DLC1: variants seen among roughly 807,000 people sequenced by gnomAD.
The protein encoded by DLC1 is rho GTPase-activating protein 7.
DLC1 carries 54 observed loss-of-function variants against 140.3 expected under a neutral mutation model. The ratio of observed to expected loss-of-function variants is 0.38; its 90% CI spans 0.31 to 0.48. The LOEUF (loss-of-function observed/expected upper bound fraction) is 0.48. Ranked by LOEUF, DLC1 falls within the 20% of genes least tolerant of loss-of-function variation. The pLI, the probability that DLC1 is intolerant of heterozygous loss-of-function variation, is 0.96. For missense variants in DLC1, 2,536 were observed against 1,907.0 expected (o/e 1.33, Z -6.14); for synonymous variants, 986 against 728.1 (o/e 1.35, Z -5.70).
intron 5 of DLC1, among the ~76,000 whole-genome samples, chr8:13,262,365 A>G (rs1338836275): frequency 6.6e-6 from 1 of 152,156 alleles, no homozygotes; most frequent in Non-Finnish European, 1.5e-5. Context: ...ATTGATAATC[A>G]CGTGATCCTA....
chr8:13,386,014 T>C (rs1198595337), intron 4 of DLC1, among the ~76,000 whole-genome samples: 4 of 152,226 alleles, frequency 2.6e-5, no homozygotes, highest in Non-Finnish European at 4.4e-5. Flanking sequence ...TTGGTTGCTA[T>C]GATGTGGCAT....
intron 1 of DLC1, among the ~76,000 whole-genome samples, chr8:13,532,719 T>C (rs1398843460): frequency 3.9e-5 from 6 of 152,178 alleles, no homozygotes; most frequent in Admixed American, 3.9e-4. Context: ...CCTCCCATAG[T>C]GCTGGGACTA....
intron 5 of DLC1, among the ~76,000 whole-genome samples, chr8:13,218,002 C>G (rs73560303): frequency 0.034 from 5,121 of 152,164 alleles, 295 homozygotes; most frequent in African/African-American, 0.12. Flanking sequence ...ATGACAGAAG[C>G]CAGTCCCCTC....
rs1818867232 is a variant in DLC1 at position 13,099,828 on chromosome 8, T to A, written c.2509A>T (p.Asn837Tyr). The change falls in exon 9 of 18, where the codon AAC becomes TAC. Residue 837 changes from asparagine to tyrosine, a missense_variant. Transcript: ENST00000276297. ...FSPSGNNGSV[N>Y]WRTGSFHGPG... is the part of the protein sequence containing the mutation. ...CCGTGGAAGCTTCCCGTCCTCCAGT[T>A]CACAGAGCCGTTATTCCCCGAGGGG... 1.2e-6 allele frequency: 2 copies of A among 1,614,040 alleles called. No individual in the cohort carries two copies. The highest frequency in any genetic ancestry group is 2.7e-5 in the African/African-American group (2 of 74,916).
chr8:13,518,789 C>A (rs1019673186), upstream of DLC1, among the ~76,000 whole-genome samples: 25 of 152,136 alleles, frequency 1.6e-4, no homozygotes, highest in African/African-American at 5.8e-4. Context: ...TACATGCATA[C>A]AGTTAGTGTA....
intron 1 of DLC1, among the ~76,000 whole-genome samples, chr8:13,500,654 T>C (rs1274049441): frequency 6.6e-6 from 1 of 152,196 alleles, no homozygotes. Context: ...CATGCAAAAC[T>C]TGAGCTATAG....
Position 13,092,605 on chromosome 8 carries a change from C to A in DLC1, c.3740+7G>T, listed in dbSNP as rs991124482. On this transcript the variant is annotated splice_region_variant and intron_variant, in intron 13 of 17. Coordinates refer to ENST00000276297, the MANE Select transcript of DLC1 (RefSeq NM_182643.3). Reference sequence around the variant, plus strand: ...CTGTGTGCATGCACCTCCCATGCAGCCCGTACCTGGGAGAGGAATTCTCTC... The same window carrying A: ...CTGTGTGCATGCACCTCCCATGCAGACCGTACCTGGGAGAGGAATTCTCTC... The A allele has an allele frequency of 3.1e-6, 5 of 1,613,548 alleles. No homozygotes were observed. The African/African-American group carries it at 6.7e-5, about 22-fold the overall frequency.
chr8:13,120,729 G>C (rs146094722), intron 5 of DLC1, among the ~76,000 whole-genome samples: 130 of 152,276 alleles, frequency 8.5e-4, no homozygotes, highest in African/African-American at 3.0e-3. Flanking sequence ...ATTGGAAACA[G>C]CTTTAGTCAA....
chr8:13,333,731 T>A (rs1246744840), intron 4 of DLC1, among the ~76,000 whole-genome samples: 1 of 152,220 alleles, frequency 6.6e-6, no homozygotes, highest in Non-Finnish European at 1.5e-5. Context: ...CTAAATGGGT[T>A]CCCTAAATGG....
chr8:13,196,048 C>T (rs145358604), intron 5 of DLC1, among the ~76,000 whole-genome samples: 11 of 150,508 alleles, frequency 7.3e-5, no homozygotes, highest in Non-Finnish European at 7.4e-5. Flanking sequence ...CAATATATAC[C>T]ATTTATATAA....
At chr8:13,451,037 CA>C (rs1169620786) in intron 2 of DLC1, among the ~76,000 whole-genome samples, 809 of 18,018 alleles carry the variant, frequency 0.045, no homozygotes, top group South Asian at 0.074. Context: ...GACTCCGTCT[CA>C]AAAAAAAAAA....
chr8:13,523,826 A>G (rs1003825125), intron 1 of DLC1, among the ~76,000 whole-genome samples: 47 of 152,226 alleles, frequency 3.1e-4, no homozygotes, highest in African/African-American at 1.1e-3. Context: ...ATGGAAGAAT[A>G]ACAGTATATT....
chr8:13,095,443 G>C, intron 10 of DLC1, 198 bp from the exon 11 acceptor site: 2 of 633,622 alleles, frequency 3.2e-6, no homozygotes, highest in South Asian at 3.9e-5. Flanking sequence ...TTCATCTTTT[G>C]TGCTCAGTAC....
At chr8:13,194,294 T>C (rs78097891) in intron 5 of DLC1, among the ~76,000 whole-genome samples, 2,654 of 152,348 alleles carry the variant, frequency 0.017, 72 homozygotes, top group African/African-American at 0.061. Flanking sequence ...CCAATAGCTA[T>C]GTGGAACGAT....
chr8:13,534,822 T>G (rs530487906), intron 1 of DLC1, among the ~76,000 whole-genome samples: 1 of 152,336 alleles, frequency 6.6e-6, no homozygotes, highest in African/African-American at 2.4e-5. Flanking sequence ...TTAAAAGTTT[T>G]ACTCTTGCAC....
At chr8:13,246,412 G>T (rs1402318242) in intron 5 of DLC1, among the ~76,000 whole-genome samples, 4 of 152,184 alleles carry the variant, frequency 2.6e-5, no homozygotes, top group African/African-American at 9.6e-5. Flanking sequence ...TATTAGTGTA[G>T]TGTGAAGTTA....
At chr8:13,420,827 A>G (rs1033787264) in intron 2 of DLC1, among the ~76,000 whole-genome samples, 2 of 152,106 alleles carry the variant, frequency 1.3e-5, no homozygotes, top group African/African-American at 4.8e-5. Flanking sequence ...CCATATAATA[A>G]ATGGAGTGGC....
intron 1 of DLC1, among the ~76,000 whole-genome samples, chr8:13,534,451 G>T (rs1209578233): frequency 6.6e-6 from 1 of 152,156 alleles, no homozygotes; most frequent in Non-Finnish European, 1.5e-5. Context: ...TCAATTTGAG[G>T]GATAAAAACT....
At chr8:13,396,082 C>T (rs1230757450) in intron 3 of DLC1, among the ~76,000 whole-genome samples, 5 of 121,008 alleles carry the variant, frequency 4.1e-5, no homozygotes, top group African/African-American at 1.5e-4. Context: ...TTTTTTGAGA[C>T]GGAGTCTCAC....
Sources: allele counts gnomAD v4.1 joint callset (sites outside exome capture counted in the v4.1 genomes callset), GRCh38; gene constraint gnomAD v4.1.1; transcripts MANE v1.5; gene names NCBI Gene and HGNC (gene_info 2026-07-23, HGNC 2026-07-21).